BIRC6: variants seen among roughly 807,000 people sequenced by gnomAD.
BIRC6 encodes the protein dual E2 ubiquitin-conjugating enzyme/E3 ubiquitin-protein ligase BIRC6.
A neutral mutation model predicts 503.3 loss-of-function variants in BIRC6; 98 were observed. The ratio of observed to expected loss-of-function variants is 0.19; its 90% CI spans 0.17 to 0.23. BIRC6 has a LOEUF of 0.23. Among genes scored for constraint, BIRC6 ranks in the 10% least tolerant of loss-of-function variants. BIRC6 has a pLI of 1.00. For synonymous variants in BIRC6, 2,240 were observed against 2,078.7 expected (o/e 1.08, Z -2.11); for missense variants, 5,360 against 5,806.0 (o/e 0.92, Z 2.50).
At chr2:32,488,513 TA>T in intron 41 of BIRC6, 74 bp from the exon 42 acceptor site, 1 of 1,253,716 alleles carries the variant, frequency 8.0e-7, no homozygotes, top group Non-Finnish European at 1.1e-6. Flanking sequence ...AATTTAAACA[TA>T]AGATTTTTGT....
intron 13 of BIRC6, among the ~76,000 whole-genome samples, chr2:32,434,762 A>C (rs2044511499): frequency 6.6e-6 from 1 of 152,166 alleles, no homozygotes; most frequent in Non-Finnish European, 1.5e-5. Context: ...CATGAGGCTG[A>C]GGCAGGAGGA....
At chr2:32,413,090 C>G (rs2042063262) in intron 9 of BIRC6, among the ~76,000 whole-genome samples, 1 of 151,010 alleles carries the variant, frequency 6.6e-6, no homozygotes, top group Non-Finnish European at 1.5e-5. Flanking sequence ...CTCACTGCAA[C>G]TTCTGTCTCC....
At chr2:32,397,604 G>GTATA (rs1184584100) in intron 6 of BIRC6, among the ~76,000 whole-genome samples, 1 of 111,978 alleles carries the variant, frequency 8.9e-6, no homozygotes, top group Non-Finnish European at 1.9e-5. Flanking sequence ...GTGTGTGTGT[G>GTATA]TATATATGTG....
chr2:32,553,744 A>G (rs972276697), intron 65 of BIRC6, among the ~76,000 whole-genome samples: 2 of 152,192 alleles, frequency 1.3e-5, no homozygotes, highest in African/African-American at 4.8e-5. Flanking sequence ...TACAGCAGAA[A>G]CATAAATCTT....
At position 32,595,107 on chromosome 2, in the gene BIRC6, A is replaced by C; in HGVS notation, c.13575A>C (p.Glu4525Asp). Residue 4525 changes from glutamate (E) to aspartate (D), a missense_variant, in exon 68 of 74, where the codon GAA (glutamate) becomes GAC (aspartate). By Grantham distance (45) the Glu-to-Asp change is conservative. Around this residue, in one of 16 missense-constraint regions of BIRC6, gnomAD observed 477 missense variants for 574.4 expected, o/e 0.83. Transcript: ENST00000421745. The stretch of plus-strand genomic sequence containing the variant: ...CTTTGTCAGTATTAAAGTCACTTGA[A>C]GAAAAATATGTGGCTGTTATGAAGA... ...PKPLSVLKSL[E>D]EKYVAVMKKL... The C allele has an allele frequency of 6.2e-7, 1 of 1,601,216 alleles. No individual in the cohort carries two copies. The highest frequency in any genetic ancestry group is 8.5e-7 in the Non-Finnish European group (1 of 1,176,774).
chr2:32,464,074 G>T (rs543327126), intron 24 of BIRC6, among the ~76,000 whole-genome samples: 3 of 152,120 alleles, frequency 2.0e-5, no homozygotes, highest in Non-Finnish European at 4.4e-5. Flanking sequence ...ACATCTCCCC[G>T]CATCCGTGGC....
At chr2:32,409,593 A>C (rs2041629990) in intron 9 of BIRC6, among the ~76,000 whole-genome samples, 1 of 152,312 alleles carries the variant, frequency 6.6e-6, no homozygotes, top group African/African-American at 2.4e-5. Flanking sequence ...CACAGATCAG[A>C]ATTAAGTATA....
At chr2:32,475,256 T>A (rs977611087) in intron 33 of BIRC6, among the ~76,000 whole-genome samples, 3 of 152,112 alleles carry the variant, frequency 2.0e-5, no homozygotes, top group Non-Finnish European at 4.4e-5. Flanking sequence ...TTATTATTCA[T>A]TTATAATTGT....
At chr2:32,588,639 A>G (rs2061214916) in intron 66 of BIRC6, among the ~76,000 whole-genome samples, 1 of 152,192 alleles carries the variant, frequency 6.6e-6, no homozygotes, top group Non-Finnish European at 1.5e-5. Flanking sequence ...CTTGATATTT[A>G]AAGAGTAAGC....
intron 59 of BIRC6, chr2:32,527,847 T>C (rs943662131): frequency 1.3e-5 from 2 of 152,176 alleles, no homozygotes; most frequent in Admixed American, 6.6e-5. Flanking sequence ...AGGGTTATGA[T>C]AGTGATGAAG....
intron 26 of BIRC6, 116 bp from the exon 27 acceptor site, chr2:32,467,409 T>C (rs1180862839): frequency 2.5e-6 from 2 of 811,848 alleles, no homozygotes; most frequent in East Asian, 2.6e-5. Context: ...TTTCCTCTTA[T>C]TTATAGTTTA....
intron 71 of BIRC6, among the ~76,000 whole-genome samples, chr2:32,606,028 T>C (rs1184280084): frequency 2.0e-5 from 3 of 152,230 alleles, no homozygotes; most frequent in Non-Finnish European, 4.4e-5. Context: ...CTTTGACTTA[T>C]AAGATGCATA....
rs558691348 is a variant in BIRC6 at position 32,498,231 on chromosome 2, T to C, written c.8469-1316T>C. Reference sequence around the variant, plus strand: ...CTTCTGCTATGCTACTACACACGGCTAATTTTTGTATATTTTGTAGGCGTA... The same window carrying C: ...CTTCTGCTATGCTACTACACACGGCCAATTTTTGTATATTTTGTAGGCGTA... On this transcript the variant is annotated intron_variant, in intron 45 of 73. Transcript: ENST00000421745. Among the ~76,000 whole-genome samples, 5 of 152,288 alleles carry C rather than the reference T, an allele frequency of 3.3e-5. No homozygotes were observed. In the South Asian group the frequency reaches 1.0e-3, roughly 32 times the overall value.
At position 32,576,408 on chromosome 2, in the gene BIRC6, C is replaced by T. The variant is rs912260440; in HGVS notation, c.13355+1042C>T. On this transcript the variant is annotated intron_variant, in intron 66 of 73. Transcript: ENST00000421745. ...TCCCTTGGCAGGATCTGTTCAGTGA[C>T]CTTTTCCTTTCTCATGGCAGAATCT... 9.2e-5 allele frequency among the ~76,000 whole-genome samples: 14 copies of T among 152,272 alleles called. No homozygotes were observed. The East Asian group carries it at 2.3e-3, about 25-fold the overall frequency.
intron 6 of BIRC6, among the ~76,000 whole-genome samples, chr2:32,397,962 A>G (rs115653518): frequency 2.0e-3 from 308 of 152,066 alleles, no homozygotes; most frequent in African/African-American, 7.2e-3. Flanking sequence ...ACACTCAAGA[A>G]GTTGATTTGG....
intron 23 of BIRC6, among the ~76,000 whole-genome samples, chr2:32,454,923 G>A (rs533055073): frequency 9.8e-4 from 149 of 152,218 alleles, no homozygotes; most frequent in Admixed American, 2.9e-3. Flanking sequence ...GGTGATTCTA[G>A]AAAGGTCAGA....
chr2:32,594,144 G>T, intron 67 of BIRC6, 84 bp downstream of exon 67: 5 of 1,435,398 alleles, frequency 3.5e-6, no homozygotes, highest in Non-Finnish European at 4.7e-6. Context: ...TTGTGTTTTT[G>T]CTTTATGTTA....
chr2:32,447,671 C>A (rs1485599109), intron 21 of BIRC6, among the ~76,000 whole-genome samples: 1 of 120,804 alleles, frequency 8.3e-6, no homozygotes, highest in Non-Finnish European at 1.8e-5. Flanking sequence ...CCCCTCCCCC[C>A]TCCCGGACTG....
intron 5 of BIRC6, among the ~76,000 whole-genome samples, chr2:32,394,977 C>A (rs2149618439): frequency 6.6e-6 from 1 of 152,158 alleles, no homozygotes; most frequent in South Asian, 2.1e-4. Flanking sequence ...GGTGAAACCC[C>A]ATCTCTACTA....
Sources: gnomAD v4.1 joint callset for allele counts (sites outside exome capture counted in the v4.1 genomes callset) on GRCh38, gnomAD v4.1.1 for gene constraint, gnomAD v4.1.1 regional missense constraint, MANE v1.5 for transcripts, NCBI Gene and HGNC (gene_info 2026-07-23, HGNC 2026-07-21) for gene names.